The following CDK14 variants were observed in gnomAD, a reference collection of about 807,000 sequenced individuals.
CDK14 encodes cyclin-dependent kinase 14.
A neutral mutation model predicts 60.7 loss-of-function variants in CDK14; 34 were observed. The observed-to-expected ratio is 0.56, with a 90% CI of 0.43 to 0.75. The LOEUF (loss-of-function observed/expected upper bound fraction) is 0.75. Among genes scored for constraint, CDK14 ranks in the 30% least tolerant of loss-of-function variants. The pLI is 0.00. For missense variants in CDK14, 482 were observed against 564.1 expected (o/e 0.85, Z 1.47); for synonymous variants, 197 against 203.7 (o/e 0.97, Z 0.28).
At chr7:90,865,626 G>C (rs1687518555) in intron 6 of CDK14, among the ~76,000 whole-genome samples, 1 of 152,138 alleles carries the variant, frequency 6.6e-6, no homozygotes, top group African/African-American at 2.4e-5. Flanking sequence ...GGAAACAGGA[G>C]GGCACTGTGG....
chr7:91,064,854 T>C (rs1367477733), intron 11 of CDK14, among the ~76,000 whole-genome samples: 1 of 152,170 alleles, frequency 6.6e-6, no homozygotes, highest in Non-Finnish European at 1.5e-5. Flanking sequence ...GAGCTGTAAA[T>C]TTGTTCTTGT....
At chr7:91,080,708 G>C (rs973702750) in intron 12 of CDK14, among the ~76,000 whole-genome samples, 2 of 152,090 alleles carry the variant, frequency 1.3e-5, no homozygotes, top group African/African-American at 4.8e-5. Flanking sequence ...CCTCTCATAG[G>C]AATAAGACAT....
At chr7:91,078,857 A>T (rs1256873566) in intron 11 of CDK14, among the ~76,000 whole-genome samples, 1 of 152,208 alleles carries the variant, frequency 6.6e-6, no homozygotes, top group Non-Finnish European at 1.5e-5. Context: ...TATAATGTCT[A>T]TTCTGTATCA....
At chr7:91,111,711 C>T (rs140535063) in intron 12 of CDK14, among the ~76,000 whole-genome samples, 85 of 152,196 alleles carry the variant, frequency 5.6e-4, no homozygotes, top group African/African-American at 1.9e-3. Context: ...AAGTGCCTGA[C>T]GCATGTTCAA....
intron 4 of CDK14, among the ~76,000 whole-genome samples, chr7:90,752,428 A>G (rs905171069): frequency 2.6e-5 from 4 of 152,212 alleles, no homozygotes; most frequent in African/African-American, 9.6e-5. Flanking sequence ...TTTTGATTAA[A>G]CAATTAAAGC....
intron 11 of CDK14, among the ~76,000 whole-genome samples, chr7:91,063,088 G>C (rs541581288): frequency 6.6e-6 from 1 of 152,220 alleles, no homozygotes; most frequent in Non-Finnish European, 1.5e-5. Context: ...AAAGTTGGAA[G>C]AGAGGAGGGA....
intron 4 of CDK14, among the ~76,000 whole-genome samples, chr7:90,767,770 T>A (rs2116881363): frequency 6.6e-6 from 1 of 152,318 alleles, no homozygotes; most frequent in Admixed American, 6.5e-5. Flanking sequence ...GTAAGAACTA[T>A]ACCTGAAAAA....
At position 91,207,995 on chromosome 7, in the gene CDK14, G is replaced by C. The variant is rs1802953843; in HGVS notation, c.*859G>C. 1.3e-5 allele frequency: 2 copies of C among 152,624 alleles called. No individual in the cohort carries two copies. Among genetic ancestry groups the C allele is most frequent in the Non-Finnish European group, 2.9e-5 (2 of 68,034 alleles). The allele number at this position is 152,624 out of a possible 1,614,324, so 9.5% of individuals were successfully genotyped here. ...CTTTGTATTTTCTAACTGGAGAAAA[G>C]AGTGAGGAACAGAATGTTTTAAATC... On this transcript the variant is annotated 3_prime_UTR_variant, in exon 15 of 15. Coordinates refer to ENST00000380050, the MANE Select transcript of CDK14 (RefSeq NM_001287135.2).
chr7:91,042,331 C>T (rs1346447058), intron 10 of CDK14, among the ~76,000 whole-genome samples: 1 of 152,054 alleles, frequency 6.6e-6, no homozygotes, highest in Non-Finnish European at 1.5e-5. Flanking sequence ...CCCACTAAAC[C>T]ACCCTCTCCC....
At chr7:90,927,362 G>A (rs1297266680) in intron 8 of CDK14, among the ~76,000 whole-genome samples, 1 of 152,068 alleles carries the variant, frequency 6.6e-6, no homozygotes, top group African/African-American at 2.4e-5. Context: ...TAGGAGCTCT[G>A]TGTCAGGAAC....
chr7:90,664,604 C>T (rs551592338), intron 2 of CDK14, among the ~76,000 whole-genome samples: 2 of 152,238 alleles, frequency 1.3e-5, no homozygotes, highest in Non-Finnish European at 2.9e-5. Flanking sequence ...GAATACTATG[C>T]AGCCATAAAA....
intron 4 of CDK14, among the ~76,000 whole-genome samples, chr7:90,778,901 T>TCC (rs1312295615): frequency 6.7e-6 from 1 of 149,386 alleles, no homozygotes. Context: ...CCTTCCTTCT[T>TCC]TTCTCTCTCC....
chr7:91,148,522 G>A (rs542339651), intron 14 of CDK14, among the ~76,000 whole-genome samples: 1 of 152,340 alleles, frequency 6.6e-6, no homozygotes, highest in East Asian at 1.9e-4. Context: ...TAGCATTGGT[G>A]CCTTAGGGTA....
chr7:90,849,032 T>C (rs989207), intron 5 of CDK14, among the ~76,000 whole-genome samples: 87,235 of 151,946 alleles, frequency 0.57, 25,612 homozygotes, highest in East Asian at 0.88. Flanking sequence ...TCCTCATTGA[T>C]TGAGTTTAGA....
At chr7:90,788,466 G>T (rs1805691562) in intron 4 of CDK14, among the ~76,000 whole-genome samples, 1 of 152,136 alleles carries the variant, frequency 6.6e-6, no homozygotes, top group Non-Finnish European at 1.5e-5. Context: ...AATATACTCA[G>T]GAGAAGAAGT....
intron 2 of CDK14, among the ~76,000 whole-genome samples, chr7:90,629,187 T>A (rs1799940609): frequency 6.6e-6 from 1 of 152,190 alleles, no homozygotes; most frequent in Admixed American, 6.5e-5. Flanking sequence ...ATGGCAAAAT[T>A]ATACAGCTGC....
intron 12 of CDK14, among the ~76,000 whole-genome samples, chr7:91,080,493 G>A (rs1196883123): frequency 1.3e-5 from 2 of 152,118 alleles, no homozygotes; most frequent in African/African-American, 4.8e-5. Flanking sequence ...CTGGGGCTTT[G>A]CATGTGCCAT....
At chr7:90,816,104 G>T (rs1237563338) in intron 5 of CDK14, among the ~76,000 whole-genome samples, 1 of 152,206 alleles carries the variant, frequency 6.6e-6, no homozygotes, top group Non-Finnish European at 1.5e-5. Flanking sequence ...GGCCATAGTG[G>T]TTTCTGAATG....
intron 9 of CDK14, among the ~76,000 whole-genome samples, chr7:90,964,265 G>A (rs191414015): frequency 6.6e-6 from 1 of 152,178 alleles, no homozygotes; most frequent in African/African-American, 2.4e-5. Context: ...TTTGTCAGGG[G>A]TTTTAACACA....
Sources: gnomAD v4.1 joint callset for allele counts (sites outside exome capture counted in the v4.1 genomes callset) on GRCh38, gnomAD v4.1.1 for gene constraint, MANE v1.5 for transcripts, NCBI Gene and HGNC (gene_info 2026-07-23, HGNC 2026-07-21) for gene names.